PDE1A: variants seen among roughly 807,000 people sequenced by gnomAD.
PDE1A encodes the protein phosphodiesterase 1A.
In PDE1A, 35 loss-of-function variants were observed where a neutral mutation model predicts 61.7. That is an observed-to-expected ratio of 0.57 (90% confidence interval 0.43 to 0.75). The LOEUF (loss-of-function observed/expected upper bound fraction) is 0.75. Ranked by LOEUF, PDE1A falls within the 30% of genes least tolerant of loss-of-function variation. PDE1A has a pLI of 0.00. For missense variants in PDE1A, 597 were observed against 630.6 expected (o/e 0.95, Z 0.57); for synonymous variants, 232 against 213.2 (o/e 1.09, Z -0.77).
chr2:182,527,160 T>C (rs1050940090), upstream of PDE1A, among the ~76,000 whole-genome samples: 1 of 149,838 alleles, frequency 6.7e-6, no homozygotes, highest in African/African-American at 2.4e-5. Context: ...AGAAAGAGAA[T>C]TAGCTAATAA....
At chr2:182,577,938 A>AAGGAAGGC in the PDE1A span, among the ~76,000 whole-genome samples, 1 of 80,258 alleles carries the variant, frequency 1.2e-5, no homozygotes, top group African/African-American at 5.3e-5. Context: ...AAACGGAAGG[A>AAGGAAGGC]AGGAAGGAAG....
chr2:182,451,430 A>C (rs1210686122), intron 2 of PDE1A, among the ~76,000 whole-genome samples: 1 of 151,954 alleles, frequency 6.6e-6, no homozygotes, highest in Non-Finnish European at 1.5e-5. Context: ...ATAAAGTATT[A>C]GTATGTATGT....
At chr2:182,510,118 T>G (rs1314007312) in intron 2 of PDE1A, among the ~76,000 whole-genome samples, 2 of 152,162 alleles carry the variant, frequency 1.3e-5, no homozygotes, top group African/African-American at 4.8e-5. Context: ...CTGAGCTTTT[T>G]GTCGGCCTAT....
chr2:182,353,919 CTCT>C (rs1341524390), intron 1 of PDE1A, among the ~76,000 whole-genome samples: 2 of 152,006 alleles, frequency 1.3e-5, no homozygotes, highest in African/African-American at 4.8e-5. Context: ...ATTTCAGAAA[CTCT>C]TCTTGAGTGG....
At chr2:182,351,354 C>A (rs1425431596) in intron 1 of PDE1A, among the ~76,000 whole-genome samples, 1 of 152,150 alleles carries the variant, frequency 6.6e-6, no homozygotes, top group Non-Finnish European at 1.5e-5. Flanking sequence ...GGGGTAGTTT[C>A]TAGTCATTTG....
chr2:182,411,262 A>G (rs1279015408), intron 1 of PDE1A, among the ~76,000 whole-genome samples: 1 of 152,218 alleles, frequency 6.6e-6, no homozygotes, highest in African/African-American at 2.4e-5. Context: ...AAAAAAATGG[A>G]ATCACACAAT....
intron 2 of PDE1A, among the ~76,000 whole-genome samples, chr2:182,438,617 GAA>G (rs767502426): frequency 6.6e-6 from 1 of 152,012 alleles, no homozygotes; most frequent in Non-Finnish European, 1.5e-5. Flanking sequence ...TGCAGAGAAA[GAA>G]AGTTCAGTCA....
At chr2:182,335,744 G>A (rs866166967) in intron 1 of PDE1A, among the ~76,000 whole-genome samples, 5 of 152,144 alleles carry the variant, frequency 3.3e-5, no homozygotes, top group South Asian at 2.1e-4. Context: ...AAGCAATGGC[G>A]ACAAAAGCCA....
At chr2:182,340,055 T>G (rs567689903) in intron 1 of PDE1A, among the ~76,000 whole-genome samples, 1 of 152,258 alleles carries the variant, frequency 6.6e-6, no homozygotes, top group African/African-American at 2.4e-5. Flanking sequence ...AATGCAACTT[T>G]CATTAAAGAA....
intron 3 of PDE1A, among the ~76,000 whole-genome samples, chr2:182,238,122 A>T (rs111418674): frequency 0.016 from 2,477 of 152,022 alleles, 33 homozygotes; most frequent in Middle Eastern, 0.045. Context: ...CAAAAAAATT[A>T]GCCAGGCAGG....
At chr2:182,423,678 C>A (rs1458314878) in intron 1 of PDE1A, among the ~76,000 whole-genome samples, 1 of 152,156 alleles carries the variant, frequency 6.6e-6, no homozygotes, top group African/African-American at 2.4e-5. Flanking sequence ...TTATCACCTC[C>A]TTTATGGCAC....
chr2:182,473,216 G>T (rs1453014456), intron 2 of PDE1A, among the ~76,000 whole-genome samples: 2 of 151,872 alleles, frequency 1.3e-5, no homozygotes, highest in East Asian at 3.9e-4. Flanking sequence ...ACACAGGCAT[G>T]GGCAAGGACT....
chr2:182,445,344 A>C (rs900445015), intron 2 of PDE1A, among the ~76,000 whole-genome samples: 1 of 152,168 alleles, frequency 6.6e-6, no homozygotes, highest in Non-Finnish European at 1.5e-5. Flanking sequence ...CAAATCATTT[A>C]GAGTAAATAG....
At chr2:182,685,425 A>G in the PDE1A span, among the ~76,000 whole-genome samples, 1 of 152,096 alleles carries the variant, frequency 6.6e-6, no homozygotes, top group African/African-American at 2.4e-5. Context: ...ATAGTTGACT[A>G]TTCTTTAATT....
chr2:182,696,262 A>G, the PDE1A span, among the ~76,000 whole-genome samples: 1 of 152,240 alleles, frequency 6.6e-6, no homozygotes, highest in African/African-American at 2.4e-5. Context: ...ACATCCAGAC[A>G]ACGGGATATT....
chr2:182,145,623 C>T (rs962449337), downstream of PDE1A, among the ~76,000 whole-genome samples: 1 of 151,792 alleles, frequency 6.6e-6, no homozygotes, highest in Non-Finnish European at 1.5e-5. Flanking sequence ...CAGCTACTTG[C>T]GGGGCTGAGG....
intron 10 of PDE1A, among the ~76,000 whole-genome samples, chr2:182,199,636 T>C (rs1401929496): frequency 1.3e-5 from 2 of 152,142 alleles, no homozygotes; most frequent in Admixed American, 6.5e-5. Flanking sequence ...GGTTGATTGA[T>C]TGAGTATATC....
At chr2:182,486,447 C>T (rs542221814) in intron 2 of PDE1A, among the ~76,000 whole-genome samples, 1 of 152,024 alleles carries the variant, frequency 6.6e-6, no homozygotes, top group South Asian at 2.1e-4. Flanking sequence ...TGGAAATATG[C>T]TTCTAAACTT....
intron 13 of PDE1A, among the ~76,000 whole-genome samples, chr2:182,179,229 A>G (rs1684539751): frequency 6.6e-6 from 1 of 152,208 alleles, no homozygotes; most frequent in South Asian, 2.1e-4. Context: ...TAAACAAAAC[A>G]CTAATATTTA....
Sources: allele counts gnomAD v4.1 joint callset (sites outside exome capture counted in the v4.1 genomes callset), GRCh38; gene constraint gnomAD v4.1.1; transcripts MANE v1.5; gene names NCBI Gene and HGNC (gene_info 2026-07-23, HGNC 2026-07-21).